The following IGFN1 variants were observed in gnomAD, a reference collection of about 807,000 sequenced individuals.
The protein encoded by IGFN1 is immunoglobulin like and fibronectin type III domain containing 1.
IGFN1 carries 253 observed loss-of-function variants against 289.5 expected under a neutral mutation model. The ratio of observed to expected loss-of-function variants is 0.87; its 90% CI spans 0.79 to 0.97. The LOEUF (loss-of-function observed/expected upper bound fraction) is 0.97. Among genes scored for constraint, IGFN1 ranks in the 50% least tolerant of loss-of-function variants. The pLI, the probability that IGFN1 is intolerant of heterozygous loss-of-function variation, is 0.00. For missense variants in IGFN1, 4,470 were observed against 4,686.1 expected (o/e 0.95, Z 1.35); for synonymous variants, 1,706 against 1,788.5 (o/e 0.95, Z 1.16).
intron 10 of IGFN1, among the ~76,000 whole-genome samples, chr1:201,204,796 A>C (rs1275353781): frequency 6.6e-6 from 1 of 152,240 alleles, no homozygotes; most frequent in South Asian, 2.1e-4. Context: ...GGCTCTTAGC[A>C]TAGTGGTTTC....
Position 201,222,756 on chromosome 1 carries a change from G to A in IGFN1, c.10219G>A (p.Val3407Met), listed in dbSNP as rs745955506. 7.4e-6 allele frequency: 12 copies of A among 1,612,762 alleles called. No homozygotes were observed. In the South Asian group the frequency reaches 8.8e-5, roughly 12 times the overall value. The change falls in exon 20 of 24, where the codon GTG becomes ATG. Residue 3407 changes from valine to methionine, a missense_variant. This residue lies in a region of IGFN1 where 2,218 missense variants were observed against 2,114.1 expected (regional missense o/e 1.05). Coordinates refer to ENST00000335211, the MANE Select transcript of IGFN1 (RefSeq NM_001164586.2). Reference protein sequence around the residue: ...MPVTVCPKFLVDSSTKDLLTV... With the variant: ...MPVTVCPKFLMDSSTKDLLTV... ...CGTTTCAGTCTGTCCCAAGTTCCTC[G>A]TGGACTCCAGCACCAAGGACTTGCT...
In IGFN1 at chr1:201,218,677, C is replaced by A. The variant is rs758546095; in HGVS notation, c.9898+19C>A. 3 of 1,595,388 alleles carry A rather than the reference C, an allele frequency of 1.9e-6. No homozygotes were observed. Among genetic ancestry groups the A allele is most frequent in the Non-Finnish European group, 2.6e-6 (3 of 1,175,928 alleles). Reference sequence around the variant, plus strand: ...CCCATGAGTAAGTAGGGCACCAACCCAGGATGGGGGTGGAGGTGAGCATGG... The same window carrying A: ...CCCATGAGTAAGTAGGGCACCAACCAAGGATGGGGGTGGAGGTGAGCATGG... On this transcript the variant is annotated intron_variant, in intron 18 of 23. Transcript: ENST00000335211.
chr1:201,203,662 A>G, intron 9 of IGFN1, 76 bp from the exon 10 acceptor site: 1 of 1,400,020 alleles, frequency 7.1e-7, no homozygotes, highest in Middle Eastern at 1.8e-4. Context: ...ACTGCTGGTT[A>G]TAGCCAGAAT....
rs370331833 is a variant in IGFN1, at chr1:201,226,060, A to C, written c.10723A>C (p.Asn3575His). ...ATACCACTTCAGGGTGGTGGCCAAG[A>C]ATGAGCTGGGGGCCAGCAAACCCTC... Reference protein sequence around the residue: ...HEYHFRVVAKNELGASKPSDT... With the variant: ...HEYHFRVVAKHELGASKPSDT... Residue 3575 changes from asparagine to histidine, a missense_variant, in exon 22 of 24, where the codon AAT (asparagine) becomes CAT (histidine). Transcript: ENST00000335211. 4 of 1,601,590 alleles carry C rather than the reference A, an allele frequency of 2.5e-6. No individual in the cohort carries two copies. The highest frequency in any genetic ancestry group is 2.2e-5 in the East Asian group (1 of 44,480).
chr1:201,218,685 G>T, intron 18 of IGFN1, 27 bp downstream of exon 18: 5 of 1,591,694 alleles, frequency 3.1e-6, no homozygotes, highest in Non-Finnish European at 4.3e-6. Flanking sequence ...CCCAGGATGG[G>T]GGTGGAGGTG....
At chr1:201,221,407 G>A (rs917323168) in intron 18 of IGFN1, 37 bp from the exon 19 acceptor site, 1 of 1,478,994 alleles carries the variant, frequency 6.8e-7, no homozygotes, top group African/African-American at 1.4e-5. Flanking sequence ...CCTCCCTCAG[G>A]AGATGCCATT....
chr1:201,191,888 A>G, intron 1 of IGFN1, among the ~76,000 whole-genome samples: 1 of 151,466 alleles, frequency 6.6e-6, no homozygotes, highest in Non-Finnish European at 1.5e-5. Flanking sequence ...GATGGGGATG[A>G]TGACTCAGAT....
At chr1:201,205,414 G>C in intron 11 of IGFN1, 60 bp downstream of exon 11, 1 of 1,447,764 alleles carries the variant, frequency 6.9e-7, no homozygotes, top group Non-Finnish European at 9.2e-7. Context: ...GGCTGCGGAG[G>C]CATGAGGAAG....
Position 201,211,103 on chromosome 1 carries a change from T to C in IGFN1, c.6210T>C (p.Tyr2070=), listed in dbSNP as rs1307923203. 2.0e-6 allele frequency: 3 copies of C among 1,506,530 alleles called. No homozygotes were observed. Among genetic ancestry groups the C allele is most frequent in the Admixed American group, 4.0e-5 (2 of 49,478 alleles). 93.3% of individuals were successfully genotyped at this position (1,506,530 alleles called of 1,614,324 possible). Reference sequence around the variant, plus strand: ...TGGGGTCAGTGAATGAGGCAGGTTATAGGAAGGATTTAGGGGCTCCTAAGG... The same window carrying C: ...TGGGGTCAGTGAATGAGGCAGGTTACAGGAAGGATTTAGGGGCTCCTAAGG... The part of the protein sequence containing the change: ...VEMGSVNEAG[Y]RKDLGAPKGM... The change falls in exon 12 of 24, where the codon TAT becomes TAC. Residue 2070 remains tyrosine, a synonymous_variant. Transcript: ENST00000335211.
chr1:201,192,223 C>A (rs137877936), intron 1 of IGFN1, among the ~76,000 whole-genome samples: 2 of 152,170 alleles, frequency 1.3e-5, no homozygotes, highest in Non-Finnish European at 1.5e-5. Context: ...GTGGCCGTTG[C>A]GAAATGGAAT....
chr1:201,211,771 C>A lies in IGFN1; in HGVS notation c.6878C>A (p.Ser2293Tyr). Residue 2293 changes from serine (S) to tyrosine (Y), a missense_variant, in exon 12 of 24, where the codon TCT (serine) becomes TAT (tyrosine). Coordinates refer to ENST00000335211, the MANE Select transcript of IGFN1 (RefSeq NM_001164586.2). Reference sequence around the variant, plus strand: ...GGTTATAAGAATGTTTTAGGGGGTTCTGGGAGGAATCCATTAGGGAGCGAG... The same window carrying A: ...GGTTATAAGAATGTTTTAGGGGGTTATGGGAGGAATCCATTAGGGAGCGAG... ...EAGYKNVLGG[S>Y]GRNPLGSEAG... 3 of 1,536,776 alleles carry A rather than the reference C, an allele frequency of 2.0e-6. No individual in the cohort carries two copies. Among genetic ancestry groups the A allele is most frequent in the South Asian group, 2.4e-5 (2 of 84,036 alleles).
At chr1:201,219,979 T>C (rs1393945711) in intron 18 of IGFN1, among the ~76,000 whole-genome samples, 1 of 135,804 alleles carries the variant, frequency 7.4e-6, no homozygotes, top group East Asian at 2.4e-4. Flanking sequence ...TTCTTTCTTT[T>C]TTCTGTCTGT....
In IGFN1 at chr1:201,215,150, C is replaced by T; in HGVS notation, c.8991C>T (p.Val2997=). Residue 2997 remains valine, a synonymous_variant, in exon 14 of 24, where the codon GTC becomes GTT. Coordinates refer to ENST00000335211, the MANE Select transcript of IGFN1 (RefSeq NM_001164586.2). ...AGCAGAGCGAGGCCACCCTGACCGT[C>T]CAGGGTAAGGCCCAGCCCTGCCCTG... ...GDQQSEATLT[V]QDSPTIAPDV... The T allele has an allele frequency of 6.2e-7, 1 of 1,612,548 alleles. No individual in the cohort carries two copies. The highest frequency in any genetic ancestry group is 8.5e-7 in the Non-Finnish European group (1 of 1,179,748).
chr1:201,224,570 T>C, intron 20 of IGFN1, 109 bp from the exon 21 acceptor site: 1 of 830,186 alleles, frequency 1.2e-6, no homozygotes, highest in Admixed American at 2.7e-5. Context: ...ACTTTCTCCT[T>C]GTAGAAGACT....
chr1:201,195,782 T>C, intron 3 of IGFN1, 57 bp from the exon 4 acceptor site: 1 of 1,496,192 alleles, frequency 6.7e-7, no homozygotes, highest in Non-Finnish European at 9.0e-7. Flanking sequence ...TTAAATAAAG[T>C]ATACAGTCAC....
At chr1:201,214,129 C>A in intron 12 of IGFN1, 48 bp from the exon 13 acceptor site, 1 of 1,545,192 alleles carries the variant, frequency 6.5e-7, no homozygotes, top group South Asian at 1.2e-5. Context: ...CAGCGCAGGC[C>A]ATGGCCTGGG....
Position 201,208,018 on chromosome 1 carries a change from G to A in IGFN1, c.3125G>A (p.Gly1042Asp). The stretch of plus-strand genomic sequence containing the variant: ...GGGAGAGTTGCCAGTCTTAAAAATG[G>A]CTCAGGTGGTCCTGATGGAGCACCC... Reference protein sequence around the residue: ...GSGRVASLKNGSGGPDGAPMN... With the variant: ...GSGRVASLKNDSGGPDGAPMN... Residue 1042 changes from glycine (G) to aspartate (D), a missense_variant, in exon 12 of 24, where the codon GGC becomes GAC. Gly to Asp is a moderately conservative substitution (Grantham distance 94, BLOSUM62 -1). Around this residue, in one of 8 missense-constraint regions of IGFN1, gnomAD observed 2,011 missense variants for 1,953.4 expected, o/e 1.03. Coordinates refer to ENST00000335211, the MANE Select transcript of IGFN1 (RefSeq NM_001164586.2). 2 of 1,536,968 alleles carry A rather than the reference G, an allele frequency of 1.3e-6. No individual in the cohort carries two copies. The highest frequency in any genetic ancestry group is 1.7e-6 in the Non-Finnish European group (2 of 1,146,854).
intron 9 of IGFN1, 38 bp from the exon 10 acceptor site, chr1:201,203,700 C>T (rs1291777620): frequency 1.9e-6 from 3 of 1,544,046 alleles, no homozygotes; most frequent in Non-Finnish European, 2.6e-6. Flanking sequence ...CACTGAGGAC[C>T]CACTGAGGCC....
Position 201,213,161 on chromosome 1 carries a change from G to A in IGFN1, c.8268G>A (p.Gly2756=), listed in dbSNP as rs766748402. The A allele has an allele frequency of 1.6e-4, 247 of 1,551,546 alleles. No individual in the cohort carries two copies. Among genetic ancestry groups the A allele is most frequent in the Non-Finnish European group, 2.0e-4 (235 of 1,146,990 alleles). ...AAGCCTCTAGAGATAGGTCAGGAGG[G>A]ACCCAGGACCTGAGCTCTCAGCGAG... is the stretch of plus-strand genomic sequence containing the variant. The part of the protein sequence containing the change: ...GRKASRDRSG[G]TQDLSSQRGK... Residue 2756 remains glycine, a synonymous_variant, in exon 12 of 24, where the codon GGG becomes GGA. Transcript: ENST00000335211.
Sources: gnomAD v4.1 joint callset for allele counts (sites outside exome capture counted in the v4.1 genomes callset) on GRCh38, gnomAD v4.1.1 for gene constraint, gnomAD v4.1.1 regional missense constraint, MANE v1.5 for transcripts, NCBI Gene and HGNC (gene_info 2026-07-23, HGNC 2026-07-21) for gene names.